Variants in POLR2B observed in about 807,000 individuals in gnomAD.
POLR2B encodes the protein RNA polymerase II subunit B.
In POLR2B, 57 loss-of-function variants were observed where a neutral mutation model predicts 144.6. That is an observed-to-expected ratio of 0.39 (90% CI 0.32 to 0.49). The LOEUF is 0.49. Ranked by LOEUF, POLR2B falls within the 20% of genes least tolerant of loss-of-function variation. The pLI, the probability that POLR2B is intolerant of heterozygous loss-of-function variation, is 0.83. For synonymous variants in POLR2B, 442 were observed against 469.8 expected (o/e 0.94, Z 0.77); for missense variants, 595 against 1,467.4 (o/e 0.41, Z 9.71).
chr4:57,000,491 A>G (rs1217717795), intron 7 of POLR2B, among the ~76,000 whole-genome samples: 1 of 152,128 alleles, frequency 6.6e-6, no homozygotes, highest in Non-Finnish European at 1.5e-5. Context: ...CCCAAATTCA[A>G]CAGTTGTTAC....
intron 10 of POLR2B, among the ~76,000 whole-genome samples, chr4:57,008,681 C>G (rs754001433): frequency 6.6e-6 from 1 of 152,180 alleles, no homozygotes; most frequent in Non-Finnish European, 1.5e-5. Context: ...TGTGGAAATG[C>G]TGGAGAAAGA....
At position 57,017,878 on chromosome 4, in the gene POLR2B, G is replaced by GT; in HGVS notation, c.2323+151dup. ...TGGGAAACATGAACATAATAAAAAG[G>GT]TAGGTATGTGGAAAGTGTTTTGGTG... On this transcript the variant is annotated intron_variant, in intron 16 of 24. Coordinates refer to ENST00000314595, the MANE Select transcript of POLR2B (RefSeq NM_000938.3). The surrounding 1 kb of genome is among the most constrained non-coding windows in gnomAD (Gnocchi z 4.8). 1.7e-6 allele frequency: 1 copy of GT among 577,666 alleles called. No individual in the cohort carries two copies. The highest frequency in any genetic ancestry group is 3.0e-5 in the East Asian group (1 of 33,654). The allele number at this position is 577,666 out of a possible 1,614,324, so 35.8% of individuals were successfully genotyped here.
chr4:57,011,348 C>T (rs556492570), intron 13 of POLR2B, among the ~76,000 whole-genome samples: 5 of 151,698 alleles, frequency 3.3e-5, no homozygotes, highest in African/African-American at 4.8e-5. Context: ...GCCAATATGG[C>T]GAAACCCCAT....
intron 16 of POLR2B, among the ~76,000 whole-genome samples, chr4:57,019,098 A>T (rs916736591): frequency 5.9e-5 from 9 of 152,332 alleles, no homozygotes; most frequent in African/African-American, 2.2e-4. Context: ...TATTTTCAAA[A>T]TCCTCCACAA....
At chr4:57,018,288 A>G in intron 16 of POLR2B, among the ~76,000 whole-genome samples, 1 of 152,236 alleles carries the variant, frequency 6.6e-6, no homozygotes, top group East Asian at 1.9e-4. Flanking sequence ...AGTAGATTAC[A>G]ATCAGGTACT....
chr4:57,006,844 C>T lies in POLR2B; in HGVS notation c.1246C>T (p.Arg416Trp), dbSNP rs373213737. Reference sequence around the variant, plus strand: ...GTTTAAGAATTTGCTTAAAGAAGTGCGGATCTATGCACAGAAATTTATTGA... The same window carrying T: ...GTTTAAGAATTTGCTTAAAGAAGTGTGGATCTATGCACAGAAATTTATTGA... The part of the protein sequence containing the change: ...GMFKNLLKEV[R>W]IYAQKFIDRG... Residue 416 changes from arginine (R) to tryptophan (W), a missense_variant, in exon 10 of 25, where the codon CGG (arginine) becomes TGG (tryptophan). Arg to Trp is a moderately radical substitution (Grantham distance 101). Around this residue, in one of 9 missense-constraint regions of POLR2B, gnomAD observed 251 missense variants for 567.3 expected, o/e 0.44. Coordinates refer to ENST00000314595, the MANE Select transcript of POLR2B (RefSeq NM_000938.3). The T allele has an allele frequency of 3.0e-5, 49 of 1,612,622 alleles. No individual in the cohort carries two copies. The highest frequency in any genetic ancestry group is 4.0e-5 in the African/African-American group (3 of 74,816).
chr4:57,010,632 G>A (rs546154968), intron 11 of POLR2B, 116 bp from the exon 12 acceptor site: 3 of 1,335,012 alleles, frequency 2.2e-6, no homozygotes, highest in South Asian at 1.5e-5. Flanking sequence ...TTTTATAATT[G>A]TATTCTTAGA....
In POLR2B at chr4:56,979,016, C is replaced by T. The variant is rs1415020030; in HGVS notation, c.19+12C>T. On this transcript the variant is annotated intron_variant, in intron 1 of 24. Transcript: ENST00000314595. ...CGACGCGGATGAGGGTAGGTGAACGCTCAAAACACACGCCGTGGCGGTCCA... is the reference window on the plus strand; with the variant it reads ...CGACGCGGATGAGGGTAGGTGAACGTTCAAAACACACGCCGTGGCGGTCCA... 3 of 1,612,778 alleles carry T rather than the reference C, an allele frequency of 1.9e-6. No individual in the cohort carries two copies. Among genetic ancestry groups the T allele is most frequent in the African/African-American group, 1.3e-5 (1 of 74,900 alleles).
Position 57,023,682 on chromosome 4 carries a change from A to G in POLR2B, c.2787A>G (p.Pro929=). The G allele has an allele frequency of 6.2e-7, 1 of 1,613,422 alleles. No homozygotes were observed. The highest frequency in any genetic ancestry group is 8.5e-7 in the Non-Finnish European group (1 of 1,179,458). Residue 929 remains proline, a synonymous_variant, in exon 20 of 25, where the codon CCA becomes CCG. Transcript: ENST00000314595. The surrounding 1 kb of genome is among the most constrained non-coding windows in gnomAD (Gnocchi z 4.3). ...CKIRVRSVRI[P]QIGDKFASRH... is the part of the protein sequence containing the mutation. ...TTTAGGTACGCTCTGTTAGGATTCCACAGATTGGAGACAAATTTGCTAGTC... is the reference window on the plus strand; with the variant it reads ...TTTAGGTACGCTCTGTTAGGATTCCGCAGATTGGAGACAAATTTGCTAGTC...
At chr4:57,001,828 A>G (rs141097108) in intron 7 of POLR2B, among the ~76,000 whole-genome samples, 86 of 152,324 alleles carry the variant, frequency 5.6e-4, no homozygotes, top group African/African-American at 1.8e-3. Flanking sequence ...TGAACAGTAA[A>G]TGATATTCTT....
At chr4:57,016,782 A>G (rs2109702925) in intron 14 of POLR2B, among the ~76,000 whole-genome samples, 1 of 149,856 alleles carries the variant, frequency 6.7e-6, no homozygotes, top group East Asian at 1.9e-4. Context: ...TCTTCTTCAC[A>G]AGTATATACT....
Position 57,006,992 on chromosome 4 carries a change from G to C in POLR2B, c.1394G>C (p.Gly465Ala). Reference protein sequence around the residue: ...DQKKAHQARAGVSQVLNRLTF... With the variant: ...DQKKAHQARAAVSQVLNRLTF... The stretch of plus-strand genomic sequence containing the variant: ...AAGAAAGCTCATCAAGCCAGAGCTG[G>C]AGTATCTCAGGTAAGTGTGCCAACT... The change falls in exon 10 of 25, where the codon GGA becomes GCA. Residue 465 changes from glycine (G) to alanine (A), a missense_variant. This residue lies in a region of POLR2B where 251 missense variants were observed against 567.3 expected (regional missense o/e 0.44). Coordinates refer to ENST00000314595, the MANE Select transcript of POLR2B (RefSeq NM_000938.3). The C allele has an allele frequency of 6.2e-7, 1 of 1,612,532 alleles. No individual in the cohort carries two copies. Among genetic ancestry groups the C allele is most frequent in the Admixed American group, 1.7e-5 (1 of 59,926 alleles).
At chr4:57,007,330 G>A (rs1327009246) in intron 10 of POLR2B, among the ~76,000 whole-genome samples, 4 of 152,096 alleles carry the variant, frequency 2.6e-5, no homozygotes, top group South Asian at 2.1e-4. Flanking sequence ...CAGGAGAATC[G>A]CTTGTACCTG....
At chr4:57,024,154 T>C (rs1327366286) in intron 21 of POLR2B, 42 bp downstream of exon 21, 1 of 1,067,826 alleles carries the variant, frequency 9.4e-7, no homozygotes, top group South Asian at 1.4e-5. Flanking sequence ...AAGCTGATGC[T>C]TCTTCTAAAA....
chr4:57,025,182 A>G (rs775290303), intron 22 of POLR2B, among the ~76,000 whole-genome samples, 183 bp downstream of exon 22: 1 of 152,198 alleles, frequency 6.6e-6, no homozygotes, highest in Non-Finnish European at 1.5e-5. Flanking sequence ...AAAAATGTGA[A>G]GGTAGCGACT....
intron 23 of POLR2B, among the ~76,000 whole-genome samples, chr4:57,026,624 G>A (rs529712569): frequency 1.1e-4 from 17 of 151,472 alleles, no homozygotes; most frequent in Non-Finnish European, 2.2e-4. Flanking sequence ...TTGGCTGGGC[G>A]TGGTGGCTCA....
chr4:57,027,574 G>C (rs1223343041), intron 23 of POLR2B, among the ~76,000 whole-genome samples: 1 of 152,022 alleles, frequency 6.6e-6, no homozygotes, highest in East Asian at 1.9e-4. Flanking sequence ...GCCTCCCAAA[G>C]TGCTGGGATT....
intron 16 of POLR2B, among the ~76,000 whole-genome samples, chr4:57,020,612 G>T (rs1157828049): frequency 6.6e-6 from 1 of 152,070 alleles, no homozygotes; most frequent in Admixed American, 6.6e-5. Context: ...AACTTGGTTT[G>T]GGGAGGCACT....
chr4:57,010,324 A>C (rs1485258742), intron 10 of POLR2B, 37 bp from the exon 11 acceptor site: 1 of 1,600,570 alleles, frequency 6.2e-7, no homozygotes, highest in Admixed American at 1.7e-5. Flanking sequence ...GAATCACAGA[A>C]ATGTCCAGAC....
Sources: gnomAD v4.1 joint callset for allele counts (sites outside exome capture counted in the v4.1 genomes callset) on GRCh38, gnomAD v4.1.1 for gene constraint, gnomAD v4.1.1 regional missense constraint, Gnocchi (gnomAD v3.1) non-coding constraint, MANE v1.5 for transcripts, NCBI Gene and HGNC (gene_info 2026-07-23, HGNC 2026-07-21) for gene names.